The following TRDN variants were observed in gnomAD, a reference collection of about 807,000 sequenced individuals.
TRDN encodes triadin.
A neutral mutation model predicts 149.7 loss-of-function variants in TRDN; 161 were observed. The observed-to-expected ratio is 1.08, with a 90% confidence interval of 0.95 to 1.23. The LOEUF is 1.23. TRDN is among the 50% of genes most tolerant of loss of function. The pLI is 0.00. For synonymous variants in TRDN, 294 were observed against 250.5 expected, an observed-to-expected ratio of 1.17 and a Z score of -1.64; for missense variants, 896 against 823.5, an observed-to-expected ratio of 1.09 and a Z score of -1.08.
At chr6:123,433,162 A>AAATATATATATATATATATATATATAT (rs1554236916) in intron 12 of TRDN, among the ~76,000 whole-genome samples, 1 of 80,032 alleles carries the variant, frequency 1.2e-5, no homozygotes, top group Non-Finnish European at 2.5e-5. Context: ...ATATATATAT[A>AAATATATATATATATATATATATATAT]ATATATATAT....
At chr6:123,421,755 G>T (rs536360909) in intron 12 of TRDN, 1 of 143,784 alleles carries the variant, frequency 7.0e-6, no homozygotes, top group African/African-American at 2.6e-5. Flanking sequence ...ACCTGCTTAA[G>T]TTTAGGAGTT....
chr6:123,258,763 T>A (rs1776651118), intron 35 of TRDN, among the ~76,000 whole-genome samples: 1 of 152,146 alleles, frequency 6.6e-6, no homozygotes, highest in Non-Finnish European at 1.5e-5. Context: ...ATCCGTCTGG[T>A]CCTGGGCTTT....
At chr6:123,503,154 A>G in intron 8 of TRDN, 1 of 985,296 alleles carries the variant, frequency 1.0e-6, no homozygotes, top group Non-Finnish European at 1.2e-6. Flanking sequence ...AATTTAGTCA[A>G]TGGAAACTGA....
intron 29 of TRDN, among the ~76,000 whole-genome samples, chr6:123,272,524 G>A (rs947121593): frequency 1.3e-5 from 2 of 151,788 alleles, no homozygotes; most frequent in East Asian, 3.9e-4. Flanking sequence ...GGAAGGAAGG[G>A]TGAAGAAAAT....
intron 2 of TRDN, among the ~76,000 whole-genome samples, chr6:123,558,559 A>G (rs1005329776): frequency 3.3e-5 from 5 of 152,152 alleles, no homozygotes; most frequent in African/African-American, 9.7e-5. Flanking sequence ...AGCCCAGTTC[A>G]TGGCTTGTTT....
chr6:123,226,129 C>T (rs958752892), intron 38 of TRDN, among the ~76,000 whole-genome samples: 15 of 151,632 alleles, frequency 9.9e-5, no homozygotes, highest in African/African-American at 3.1e-4. Flanking sequence ...TTGATCTGGT[C>T]AGTTGTAAAT....
chr6:123,242,895 A>C (rs560264749), intron 38 of TRDN, among the ~76,000 whole-genome samples: 22 of 152,198 alleles, frequency 1.4e-4, no homozygotes, highest in Non-Finnish European at 2.4e-4. Flanking sequence ...GCTCCAAAGA[A>C]GGAACTCATA....
At chr6:123,611,639 A>G (rs1156683854) in intron 1 of TRDN, among the ~76,000 whole-genome samples, 1 of 152,192 alleles carries the variant, frequency 6.6e-6, no homozygotes, top group African/African-American at 2.4e-5. Context: ...TCATAGATCA[A>G]AAAAGCTGCA....
At chr6:123,446,924 C>G (rs931190372) in intron 10 of TRDN, among the ~76,000 whole-genome samples, 3 of 150,558 alleles carry the variant, frequency 2.0e-5, no homozygotes, top group African/African-American at 7.3e-5. Flanking sequence ...TTTTTTTTTT[C>G]CAAAAATTTC....
At chr6:123,606,268 T>G (rs924251674) in intron 1 of TRDN, among the ~76,000 whole-genome samples, 1 of 152,124 alleles carries the variant, frequency 6.6e-6, no homozygotes, top group Non-Finnish European at 1.5e-5. Flanking sequence ...AAAAATATTT[T>G]AATGATTTAA....
At chr6:123,397,412 T>C (rs1300246698) in intron 12 of TRDN, among the ~76,000 whole-genome samples, 1 of 152,178 alleles carries the variant, frequency 6.6e-6, no homozygotes, top group Non-Finnish European at 1.5e-5. Flanking sequence ...ACAACTTCCC[T>C]TCCTACTACC....
chr6:123,282,702 C>T (rs1777628811), intron 24 of TRDN, among the ~76,000 whole-genome samples: 1 of 150,276 alleles, frequency 6.7e-6, no homozygotes, highest in Non-Finnish European at 1.5e-5. Flanking sequence ...TCATAATTTG[C>T]TTAATTATGT....
chr6:123,594,360 T>C (rs1403115201), intron 1 of TRDN, among the ~76,000 whole-genome samples: 1 of 152,108 alleles, frequency 6.6e-6, no homozygotes, highest in Admixed American at 6.6e-5. Flanking sequence ...TATTTGTGGA[T>C]GCCTAATCCA....
intron 12 of TRDN, among the ~76,000 whole-genome samples, chr6:123,397,109 T>G (rs949547925): frequency 3.3e-5 from 5 of 152,166 alleles, no homozygotes; most frequent in African/African-American, 7.2e-5. Flanking sequence ...AGATCAATTA[T>G]TACTTCAAAA....
At chr6:123,461,044 G>T in intron 10 of TRDN, among the ~76,000 whole-genome samples, 1 of 152,016 alleles carries the variant, frequency 6.6e-6, no homozygotes, top group East Asian at 1.9e-4. Context: ...TTAACCACTG[G>T]GCAAAGCTAT....
At chr6:123,270,907 T>C (rs1330345762) in intron 30 of TRDN, among the ~76,000 whole-genome samples, 1 of 151,988 alleles carries the variant, frequency 6.6e-6, no homozygotes, top group African/African-American at 2.4e-5. Context: ...CTTAGCTCAA[T>C]CACACTTAAA....
intron 10 of TRDN, among the ~76,000 whole-genome samples, chr6:123,448,500 G>A (rs1320560880): frequency 2.0e-5 from 3 of 152,056 alleles, no homozygotes; most frequent in Non-Finnish European, 4.4e-5. Context: ...TGACTCAGCA[G>A]AGACAGCCAT....
chr6:123,529,221 G>C, intron 5 of TRDN: 1 of 1,548,484 alleles, frequency 6.5e-7, no homozygotes, highest in East Asian at 2.4e-5. Context: ...TTAACCTTCA[G>C]CAGATAGAAA....
At chr6:123,237,251 C>G (rs1239557481) in intron 38 of TRDN, among the ~76,000 whole-genome samples, 1 of 151,854 alleles carries the variant, frequency 6.6e-6, no homozygotes, top group East Asian at 1.9e-4. Flanking sequence ...TTATACCCTA[C>G]TACTTTGTTT....
Sources: allele counts gnomAD v4.1 joint callset (sites outside exome capture counted in the v4.1 genomes callset), GRCh38; gene constraint gnomAD v4.1.1; transcripts MANE v1.5; gene names NCBI Gene and HGNC (gene_info 2026-07-23, HGNC 2026-07-21).